ZMYND8: variants seen among roughly 807,000 people sequenced by gnomAD.
ZMYND8 encodes MYND-type zinc finger-containing chromatin reader ZMYND8.
ZMYND8 carries 37 observed loss-of-function variants against 140.8 expected under a neutral mutation model. The observed-to-expected ratio is 0.26, with a 90% CI of 0.20 to 0.35. ZMYND8 has a LOEUF of 0.35. Ranked by LOEUF, ZMYND8 falls within the 10% of genes least tolerant of loss-of-function variation. The pLI, the probability that ZMYND8 is intolerant of heterozygous loss-of-function variation, is 1.00. For synonymous variants in ZMYND8, 592 were observed against 597.1 expected (o/e 0.99, Z 0.12); for missense variants, 1,068 against 1,570.0 (o/e 0.68, Z 5.40).
intron 2 of ZMYND8, among the ~76,000 whole-genome samples, chr20:47,325,262 T>C (rs1182694189): frequency 6.6e-6 from 1 of 152,188 alleles, no homozygotes; most frequent in Non-Finnish European, 1.5e-5. Flanking sequence ...TGGTTTATTG[T>C]GTCTCTCCCT....
intron 18 of ZMYND8, among the ~76,000 whole-genome samples, chr20:47,224,940 A>C (rs1450028960): frequency 6.6e-6 from 1 of 152,234 alleles, no homozygotes; most frequent in Non-Finnish European, 1.5e-5. Flanking sequence ...ATACCTATAC[A>C]GCACCCACTA....
At chr20:47,327,190 A>AT (rs2080504451) in intron 2 of ZMYND8, among the ~76,000 whole-genome samples, 1 of 151,856 alleles carries the variant, frequency 6.6e-6, no homozygotes, top group African/African-American at 2.4e-5. Flanking sequence ...CTAATTTTGT[A>AT]TTTTTAGTAG....
rs1245872390 is a variant in ZMYND8, at chr20:47,324,411, C to T, written c.86-14207G>A. ...GCGGGTGCCTGTAATCCCACCTACT[C>T]GGGAGGCTGAGGCAGGAGAATCGCT... On this transcript the variant is annotated intron_variant, in intron 2 of 22. Coordinates refer to ENST00000471951, the MANE Select transcript of ZMYND8 (RefSeq NM_001281775.3). Among the ~76,000 whole-genome samples, 6 of 151,734 alleles carry T rather than the reference C, an allele frequency of 4.0e-5. No individual in the cohort carries two copies. The South Asian group carries it at 6.2e-4, about 16-fold the overall frequency.
intron 17 of ZMYND8, among the ~76,000 whole-genome samples, chr20:47,229,247 GGATTACCACAACTTCCCAAAGCGCTGC>G (rs1311360970): frequency 1.3e-5 from 2 of 151,522 alleles, no homozygotes; most frequent in Admixed American, 1.3e-4. Context: ...CAAAGCGCTG[GGATTACCACAACTTCCCAAAGCGCTGC>G]GATTACAGCC....
rs2035081167 is a variant in ZMYND8 at position 47,210,431 on chromosome 20, A to ATT, written c.*329_*330insAA. ...TGGTTGCTTTTTTTTTTTTTTTTAA[A>ATT]TCGTTTTTCTTTTTCTTTTTTTTTT... On this transcript the variant is annotated 3_prime_UTR_variant, in exon 23 of 23. Transcript: ENST00000471951. 1 of 146,578 alleles carries ATT rather than the reference A, an allele frequency of 6.8e-6. No homozygotes were observed. Among genetic ancestry groups the ATT allele is most frequent in the African/African-American group, 3.3e-5 (1 of 30,674 alleles). 9.1% of individuals were successfully genotyped at this position (146,578 alleles called of 1,614,324 possible).
Position 47,221,198 on chromosome 20 carries a change from A to G in ZMYND8, c.3417+116T>C, listed in dbSNP as rs535252900. On this transcript the variant is annotated intron_variant, in intron 20 of 22. Coordinates refer to ENST00000471951, the MANE Select transcript of ZMYND8 (RefSeq NM_001281775.3). Reference sequence around the variant, plus strand: ...ACACATCCACTGGAAATGCCGGCACACTGTTAGGACAAGCCTCCCACAACA... The same window carrying G: ...ACACATCCACTGGAAATGCCGGCACGCTGTTAGGACAAGCCTCCCACAACA... 1.7e-5 allele frequency: 23 copies of G among 1,388,838 alleles called. No homozygotes were observed. In the East Asian group the frequency reaches 4.6e-4, roughly 28 times the overall value. The allele number at this position is 1,388,838 out of a possible 1,614,324, so 86.0% of individuals were successfully genotyped here.
intron 20 of ZMYND8, 126 bp from the exon 21 acceptor site, chr20:47,220,450 G>C: frequency 1.2e-6 from 1 of 800,512 alleles, no homozygotes; most frequent in East Asian, 2.7e-5. Flanking sequence ...CCTCTGCCTG[G>C]CACGGTCAGG....
chr20:47,254,385 A>AC (rs2074427068), intron 12 of ZMYND8, among the ~76,000 whole-genome samples: 1 of 152,162 alleles, frequency 6.6e-6, no homozygotes, highest in Non-Finnish European at 1.5e-5. Flanking sequence ...CCTATGGATT[A>AC]CCCTCCCACG....
intron 3 of ZMYND8, among the ~76,000 whole-genome samples, chr20:47,301,296 A>G (rs1418921151): frequency 1.3e-5 from 2 of 151,780 alleles, no homozygotes; most frequent in African/African-American, 2.4e-5. Flanking sequence ...CTGGGATAAC[A>G]GGCACCCACC....
intron 11 of ZMYND8, among the ~76,000 whole-genome samples, chr20:47,268,539 C>T (rs1325739929): frequency 2.6e-5 from 4 of 151,408 alleles, no homozygotes; most frequent in East Asian, 2.0e-4. Context: ...GTGATCCGCC[C>T]GCCTCGGCCT....
intron 5 of ZMYND8, among the ~76,000 whole-genome samples, chr20:47,293,944 C>G (rs531532999): frequency 2.0e-5 from 3 of 148,300 alleles, no homozygotes; most frequent in East Asian, 3.9e-4. Context: ...GCACTTCCCA[C>G]CCCCCTTCTC....
At chr20:47,237,725 G>A (rs2039425726) in intron 15 of ZMYND8, 1 of 152,146 alleles carries the variant, frequency 6.6e-6, no homozygotes, top group Admixed American at 6.5e-5. Flanking sequence ...TGCTGCTCAT[G>A]AGCCCCCCTC....
At chr20:47,303,695 CAAA>C (rs1195746475) in intron 3 of ZMYND8, among the ~76,000 whole-genome samples, 1 of 142,278 alleles carries the variant, frequency 7.0e-6, no homozygotes. Context: ...GACTCTGTCT[CAAA>C]AAAAAAAAAG....
At chr20:47,310,234 A>AAGCAGTC in intron 2 of ZMYND8, 30 bp from the exon 3 acceptor site, 1 of 1,571,190 alleles carries the variant, frequency 6.4e-7, no homozygotes. Flanking sequence ...ACAGGTTTTA[A>AAGCAGTC]AGCAGTCAGG....
At chr20:47,332,165 G>C (rs1048022403) in intron 2 of ZMYND8, among the ~76,000 whole-genome samples, 1 of 152,170 alleles carries the variant, frequency 6.6e-6, no homozygotes. Context: ...ACAAAAATTA[G>C]CCGAGCATGG....
intron 2 of ZMYND8, among the ~76,000 whole-genome samples, chr20:47,339,726 T>A (rs1409437396): frequency 6.6e-6 from 1 of 151,928 alleles, no homozygotes; most frequent in Non-Finnish European, 1.5e-5. Context: ...TCCGCCCACC[T>A]CGGCTTCCCA....
intron 2 of ZMYND8, among the ~76,000 whole-genome samples, chr20:47,322,318 G>A (rs917134739): frequency 2.0e-5 from 3 of 152,112 alleles, no homozygotes; most frequent in African/African-American, 4.8e-5. Context: ...GCAGGTGTGA[G>A]GATAGACAGG....
intron 14 of ZMYND8, 24 bp from the exon 15 acceptor site, chr20:47,239,162 C>T (rs201222416): frequency 5.4e-6 from 8 of 1,485,156 alleles, no homozygotes; most frequent in Non-Finnish European, 7.1e-6. Context: ...GAAGAAAAAA[C>T]AAACAAAAAC....
chr20:47,285,550 T>C (rs1192644500), intron 8 of ZMYND8: 6 of 432,228 alleles, frequency 1.4e-5, no homozygotes, highest in Non-Finnish European at 1.5e-5. Flanking sequence ...CATATTTACA[T>C]ATAGTTTTGT....
Sources: allele counts gnomAD v4.1 joint callset (sites outside exome capture counted in the v4.1 genomes callset), GRCh38; gene constraint gnomAD v4.1.1; transcripts MANE v1.5; gene names NCBI Gene and HGNC (gene_info 2026-07-23, HGNC 2026-07-21).